The following SNX6 variants were observed in gnomAD, a reference collection of about 807,000 sequenced individuals.
The protein encoded by SNX6 is sorting nexin-6.
In SNX6, 34 loss-of-function variants were observed where a neutral mutation model predicts 63.0. The ratio of observed to expected loss-of-function variants is 0.54; its 90% CI spans 0.41 to 0.72. SNX6 has a LOEUF of 0.72. Among genes scored for constraint, SNX6 ranks in the 30% least tolerant of loss-of-function variants. SNX6 has a pLI of 0.00. For synonymous variants in SNX6, 170 were observed against 164.2 expected (o/e 1.04, Z -0.27); for missense variants, 398 against 471.4 (o/e 0.84, Z 1.44).
chr14:34,623,023 C>T (rs1043859881), intron 2 of SNX6, among the ~76,000 whole-genome samples: 5 of 152,158 alleles, frequency 3.3e-5, no homozygotes, highest in Admixed American at 3.3e-4. Flanking sequence ...TTACTTTGTA[C>T]TCCCATACAC....
intron 10 of SNX6, among the ~76,000 whole-genome samples, chr14:34,576,519 G>C (rs751363361): frequency 1.3e-5 from 2 of 151,086 alleles, no homozygotes; most frequent in Non-Finnish European, 2.9e-5. Flanking sequence ...CGCAATCTCG[G>C]CTCACTGCAA....
At chr14:34,605,431 T>C (rs1486346961) in intron 5 of SNX6, 165 bp downstream of exon 5, 1 of 479,894 alleles carries the variant, frequency 2.1e-6, no homozygotes, top group Non-Finnish European at 3.6e-6. Context: ...CTGTAGGCTC[T>C]GATCATGATC....
At chr14:34,582,123 G>A (rs1242981816) in intron 9 of SNX6, among the ~76,000 whole-genome samples, 13 of 149,096 alleles carry the variant, frequency 8.7e-5, no homozygotes, top group Admixed American at 2.7e-4. Flanking sequence ...CACCACGCCC[G>A]GCCCTGATTT....
At chr14:34,563,730 G>C (rs1216980217) in intron 13 of SNX6, among the ~76,000 whole-genome samples, 1 of 104,616 alleles carries the variant, frequency 9.6e-6, no homozygotes. Flanking sequence ...AGATTCTTCA[G>C]TAAATTTTTT....
chr14:34,626,902 T>C (rs1883849612), intron 2 of SNX6, among the ~76,000 whole-genome samples: 1 of 152,220 alleles, frequency 6.6e-6, no homozygotes, highest in Admixed American at 6.5e-5. Flanking sequence ...TAAAGTTATC[T>C]AAAGGTCATA....
chr14:34,629,809 G>A, intron 2 of SNX6, 98 bp downstream of exon 2: 2 of 1,508,586 alleles, frequency 1.3e-6, no homozygotes, highest in Middle Eastern at 2.1e-4. Flanking sequence ...GGGAGGGAGT[G>A]CCGCGCGGCT....
chr14:34,589,384 G>A (rs536681014), intron 8 of SNX6, among the ~76,000 whole-genome samples: 3 of 152,278 alleles, frequency 2.0e-5, no homozygotes, highest in East Asian at 1.9e-4. Context: ...CCCAGCAGGT[G>A]CAGGTTGCAG....
chr14:34,618,429 C>T (rs1883506511), intron 2 of SNX6, among the ~76,000 whole-genome samples: 1 of 152,174 alleles, frequency 6.6e-6, no homozygotes, highest in African/African-American at 2.4e-5. Flanking sequence ...CAGCTCACTG[C>T]AACCTCTGCC....
rs1880944534 is a variant in SNX6 at position 34,561,956 on chromosome 14, CAAT to C, written c.*1163_*1165del. ...AACCTTAACTTTAAACTAGGAATGA[CAAT>C]AATGTGTCTAATGTTCATTCACACT... On this transcript the variant is annotated 3_prime_UTR_variant, in exon 14 of 14. Transcript: ENST00000362031. The C allele has an allele frequency of 1.0e-5, 1 of 95,456 alleles. No homozygotes were observed. The highest frequency in any genetic ancestry group is 4.9e-5 in the African/African-American group (1 of 20,478). 5.9% of individuals were successfully genotyped at this position (95,456 alleles called of 1,614,324 possible).
chr14:34,600,130 C>A (rs1882752843), intron 6 of SNX6, among the ~76,000 whole-genome samples: 1 of 151,982 alleles, frequency 6.6e-6, no homozygotes, highest in Admixed American at 6.6e-5. Flanking sequence ...ATTTTAGTTT[C>A]TTTTCTCTTT....
chr14:34,593,591 T>A (rs1224462756), intron 7 of SNX6, among the ~76,000 whole-genome samples: 2 of 147,770 alleles, frequency 1.4e-5, no homozygotes, highest in East Asian at 2.0e-4. Flanking sequence ...TTTTTTTTTT[T>A]AGGCAAAGTC....
intron 2 of SNX6, among the ~76,000 whole-genome samples, chr14:34,622,475 C>T (rs974964439): frequency 1.3e-5 from 2 of 149,094 alleles, no homozygotes; most frequent in African/African-American, 5.0e-5. Flanking sequence ...CCCAGCTACT[C>T]GGGACGCTGA....
chr14:34,592,111 G>A (rs1485330159), intron 8 of SNX6, among the ~76,000 whole-genome samples: 1 of 152,236 alleles, frequency 6.6e-6, no homozygotes, highest in Admixed American at 6.6e-5. Context: ...CAAGTGGCCA[G>A]GTGCGGTGGC....
intron 4 of SNX6, among the ~76,000 whole-genome samples, chr14:34,605,968 G>A (rs1035504291): frequency 1.3e-5 from 2 of 151,910 alleles, no homozygotes; most frequent in Non-Finnish European, 2.9e-5. Context: ...GAGGTCAGGA[G>A]TTCAAGACCA....
chr14:34,577,395 C>A (rs569020235), intron 10 of SNX6, among the ~76,000 whole-genome samples: 1 of 152,172 alleles, frequency 6.6e-6, no homozygotes, highest in East Asian at 1.9e-4. Context: ...AGCCTCTATT[C>A]ATTTCAATTG....
chr14:34,571,084 C>A (rs1406135542), intron 11 of SNX6, among the ~76,000 whole-genome samples: 1 of 151,508 alleles, frequency 6.6e-6, no homozygotes, highest in East Asian at 2.0e-4. Context: ...TGTGTTACAT[C>A]CAGACAATGG....
At chr14:34,627,221 C>T (rs1251235228) in intron 2 of SNX6, among the ~76,000 whole-genome samples, 1 of 151,850 alleles carries the variant, frequency 6.6e-6, no homozygotes, top group South Asian at 2.1e-4. Flanking sequence ...CAGAGGCGGG[C>T]GGATCACGAG....
chr14:34,572,744 G>A (rs931272210), intron 11 of SNX6, among the ~76,000 whole-genome samples: 6 of 151,754 alleles, frequency 4.0e-5, no homozygotes, highest in Non-Finnish European at 1.5e-5. Context: ...GCCGTGGCGC[G>A]ATCTCGGCTC....
At chr14:34,604,653 A>G (rs1594735609) in intron 5 of SNX6, among the ~76,000 whole-genome samples, 1 of 152,174 alleles carries the variant, frequency 6.6e-6, no homozygotes, top group Non-Finnish European at 1.5e-5. Flanking sequence ...AATGTTTAAC[A>G]AAAGGGGAAA....
Sources: gnomAD v4.1 joint callset for allele counts (sites outside exome capture counted in the v4.1 genomes callset) on GRCh38, gnomAD v4.1.1 for gene constraint, MANE v1.5 for transcripts, NCBI Gene and HGNC (gene_info 2026-07-23, HGNC 2026-07-21) for gene names.